Variants in DNAJC7 observed in about 807,000 individuals in gnomAD.
DNAJC7 encodes dnaJ homolog subfamily C member 7.
DNAJC7 carries 18 observed loss-of-function variants against 67.4 expected under a neutral mutation model. The ratio of observed to expected loss-of-function variants is 0.27; its 90% CI spans 0.18 to 0.40. The LOEUF is 0.40. Ranked by LOEUF, DNAJC7 falls within the 10% of genes least tolerant of loss-of-function variation. The pLI is 1.00. For missense variants in DNAJC7, 419 were observed against 613.8 expected, an observed-to-expected ratio of 0.68 and a Z score of 3.35; for synonymous variants, 220 against 207.8, an observed-to-expected ratio of 1.06 and a Z score of -0.50.
intron 1 of DNAJC7, among the ~76,000 whole-genome samples, chr17:42,001,807 C>T (rs2051814600): frequency 6.6e-6 from 1 of 152,150 alleles, no homozygotes; most frequent in Non-Finnish European, 1.5e-5. Flanking sequence ...AAGTCGCCCT[C>T]CTTTTATTGA....
At chr17:42,005,894 C>T (rs1480278682) in intron 1 of DNAJC7, among the ~76,000 whole-genome samples, 1 of 151,264 alleles carries the variant, frequency 6.6e-6, no homozygotes, top group Admixed American at 6.6e-5. Context: ...GCACACGCCA[C>T]CATGCCTGGC....
At chr17:41,981,676 G>A in intron 12 of DNAJC7, 179 bp downstream of exon 12, 2 of 805,402 alleles carry the variant, frequency 2.5e-6, no homozygotes, top group East Asian at 2.7e-5. Flanking sequence ...CCTCCTCAGA[G>A]CTCACTGCAC....
chr17:41,992,040 G>A (rs1408547525), intron 5 of DNAJC7, among the ~76,000 whole-genome samples: 1 of 152,174 alleles, frequency 6.6e-6, no homozygotes, highest in Non-Finnish European at 1.5e-5. Context: ...TTTAAAATAT[G>A]AGCAAGTCAG....
chr17:41,989,732 T>A (rs1279573521), intron 6 of DNAJC7, among the ~76,000 whole-genome samples, 175 bp from the exon 7 acceptor site: 1 of 152,252 alleles, frequency 6.6e-6, no homozygotes, highest in East Asian at 1.9e-4. Context: ...CCTATAATTA[T>A]CTTTAATACA....
chr17:41,993,198 G>A (rs527884002), intron 5 of DNAJC7, among the ~76,000 whole-genome samples: 2 of 152,312 alleles, frequency 1.3e-5, no homozygotes, highest in African/African-American at 4.8e-5. Context: ...GGTGGCTCAC[G>A]CCTGTAATCC....
At chr17:41,996,249 T>C (rs1555648606) in intron 4 of DNAJC7, 62 bp downstream of exon 4, 1 of 1,550,968 alleles carries the variant, frequency 6.4e-7, no homozygotes, top group African/African-American at 1.4e-5. Flanking sequence ...GACTTTCAAG[T>C]AGCCACTCCT....
chr17:42,006,107 C>A (rs1162361461), intron 1 of DNAJC7, among the ~76,000 whole-genome samples: 1 of 151,772 alleles, frequency 6.6e-6, no homozygotes, highest in African/African-American at 2.4e-5. Flanking sequence ...CCACGCCTGG[C>A]TGATTTTTTT....
chr17:42,017,025 C>A (rs1555652022), intron 1 of DNAJC7: 5 of 1,319,244 alleles, frequency 3.8e-6, no homozygotes, highest in Non-Finnish European at 4.9e-6. Context: ...ATCGACGCCG[C>A]GCCGCTTCCC....
Position 42,000,549 on chromosome 17 carries a change from T to A in DNAJC7, c.99A>T (p.Glu33Asp), listed in dbSNP as rs781920784. 7 of 1,611,578 alleles carry A rather than the reference T, an allele frequency of 4.3e-6. No individual in the cohort carries two copies. The Admixed American group carries it at 1.0e-4, about 23-fold the overall frequency. Residue 33 changes from glutamate to aspartate, a missense_variant, in exon 2 of 14, where the codon GAA (glutamate) becomes GAT (aspartate). Glu to Asp is a conservative substitution (Grantham distance 45). Around this residue, in one of 4 missense-constraint regions of DNAJC7, gnomAD observed 63 missense variants for 54.0 expected, o/e 1.17. Transcript: ENST00000457167. The part of the protein sequence containing the change: ...EAKREAETFK[E>D]QGNAYYAKKD... ...TCTTGGCATAGTATGCATTTCCTTG[T>A]TCCTTGAAAGTCTCTGCTTCCCTGA...
In DNAJC7 at chr17:41,976,762, G is replaced by A; in HGVS notation, c.1456C>T (p.Pro486Ser). The change falls in exon 14 of 14, where the codon CCA (proline) becomes TCA (serine). Residue 486 changes from proline (P) to serine (S), a missense_variant. Physicochemically the swap from Pro to Ser is moderately conservative, Grantham distance 74 (BLOSUM62 -1). Transcript: ENST00000457167. ...CCAAATTGAAAAAAGAAATTCCCTG[G>A]ACCAGATGCTGAAAGAGAAAAGAGG... is the stretch of plus-strand genomic sequence containing the variant. Reference protein sequence around the residue: ...PGGFSFEASGPGNFFFQFG With the variant: ...PGGFSFEASGSGNFFFQFG 1 of 1,610,934 alleles carries A rather than the reference G, an allele frequency of 6.2e-7. No individual in the cohort carries two copies.
At chr17:41,977,155 G>T in intron 13 of DNAJC7, 106 bp downstream of exon 13, 1 of 1,141,798 alleles carries the variant, frequency 8.8e-7, no homozygotes, top group Non-Finnish European at 1.3e-6. Flanking sequence ...TGAGAATTCA[G>T]CTGCCCCCGC....
At chr17:41,998,172 T>A (rs766751195) in intron 2 of DNAJC7, among the ~76,000 whole-genome samples, 1 of 151,568 alleles carries the variant, frequency 6.6e-6, no homozygotes, top group Admixed American at 6.6e-5. Flanking sequence ...CCTGACACAC[T>A]CTCTTTAGAA....
intron 1 of DNAJC7, chr17:42,017,100 C>T (rs1453233665): frequency 9.8e-6 from 14 of 1,430,008 alleles, no homozygotes; most frequent in East Asian, 2.6e-5. Context: ...GGACGATCGT[C>T]CTCTCAGCTG....
intron 1 of DNAJC7, among the ~76,000 whole-genome samples, chr17:42,006,820 T>TAAAAAAAAAAAAAAAAA (rs1555650385): frequency 2.9e-4 from 2 of 6,798 alleles, no homozygotes; most frequent in Non-Finnish European, 8.6e-4. Context: ...AAAAAAAAAG[T>TAAAAAAAAAAAAAAAAA]CCAGGCACGG....
intron 1 of DNAJC7, chr17:42,011,816 T>G (rs1019490953): frequency 1.3e-5 from 2 of 152,218 alleles, no homozygotes; most frequent in African/African-American, 4.8e-5. Flanking sequence ...TGGGGAGGCA[T>G]GCCCACAAGC....
Position 41,999,783 on chromosome 17 carries a change from T to G in DNAJC7, c.166+699A>C, listed in dbSNP as rs545638141. 5.2e-5 allele frequency among the ~76,000 whole-genome samples: 8 copies of G among 152,388 alleles called. No individual in the cohort carries two copies. The East Asian group carries it at 1.3e-3, about 26-fold the overall frequency. ...ATCTGCCTGCCTTGGCCTTCCAAAG[T>G]GCTGGGATTATAGGCGTGAGCCACT... On this transcript the variant is annotated intron_variant, in intron 2 of 13. Coordinates refer to ENST00000457167, the MANE Select transcript of DNAJC7 (RefSeq NM_003315.4).
At chr17:42,011,321 C>T (rs1034464600) in intron 1 of DNAJC7, 1 of 152,196 alleles carries the variant, frequency 6.6e-6, no homozygotes, top group South Asian at 2.1e-4. Context: ...TAAGGCTGGG[C>T]TTTCGGCCAA....
At chr17:41,993,463 C>T (rs1169280369) in intron 5 of DNAJC7, among the ~76,000 whole-genome samples, 1 of 151,750 alleles carries the variant, frequency 6.6e-6, no homozygotes, top group Non-Finnish European at 1.5e-5. Flanking sequence ...TGCCTCAAAA[C>T]AAAACAAAAC....
chr17:41,994,866 G>A lies in DNAJC7; in HGVS notation c.480+4C>T. On this transcript the variant is annotated splice_donor_region_variant and intron_variant, in intron 5 of 13. Transcript: ENST00000457167. ...GATGAGATTATCTCATGGTTGTACTGTACCTTCCGAAAATCTCGCTTCTCA... is the reference window on the plus strand; with the variant it reads ...GATGAGATTATCTCATGGTTGTACTATACCTTCCGAAAATCTCGCTTCTCA... The A allele has an allele frequency of 6.2e-7, 1 of 1,613,570 alleles. No homozygotes were observed.
Sources: allele counts gnomAD v4.1 joint callset (sites outside exome capture counted in the v4.1 genomes callset), GRCh38; gene constraint gnomAD v4.1.1; regional missense constraint gnomAD v4.1.1; transcripts MANE v1.5; gene names NCBI Gene and HGNC (gene_info 2026-07-23, HGNC 2026-07-21).